REG4: variants seen among roughly 807,000 people sequenced by gnomAD.
REG4 encodes the protein regenerating islet-derived protein 4.
Under a neutral mutation model 22.3 loss-of-function variants are expected in REG4, and 16 were observed. That is an observed-to-expected ratio of 0.72 (90% CI 0.49 to 1.09). REG4 has a LOEUF of 1.09. Among genes scored for constraint, REG4 ranks in the 50% least tolerant of loss-of-function variants. The pLI is 0.00. For synonymous variants in REG4, 71 were observed against 69.2 expected (o/e 1.03, Z -0.13); for missense variants, 214 against 193.9 (o/e 1.10, Z -0.61).
At chr1:119,806,218 A>G (rs1654313054) in intron 2 of REG4, among the ~76,000 whole-genome samples, 1 of 152,174 alleles carries the variant, frequency 6.6e-6, no homozygotes, top group Admixed American at 6.5e-5. Context: ...CTGGGATTAC[A>G]GGCCTGAGCC....
At chr1:119,796,742 A>G (rs1042885417) in intron 5 of REG4, among the ~76,000 whole-genome samples, 2 of 152,196 alleles carry the variant, frequency 1.3e-5, no homozygotes, top group Non-Finnish European at 2.9e-5. Context: ...AACCATGGGA[A>G]AGGAAAGGAA....
chr1:119,806,520 T>C (rs931053436), intron 2 of REG4, among the ~76,000 whole-genome samples: 1 of 152,134 alleles, frequency 6.6e-6, no homozygotes, highest in Admixed American at 6.5e-5. Flanking sequence ...AGCACATTCG[T>C]TGAGATTATT....
chr1:119,807,783 G>T (rs1654368503), intron 2 of REG4, among the ~76,000 whole-genome samples: 2 of 152,172 alleles, frequency 1.3e-5, no homozygotes, highest in South Asian at 4.1e-4. Context: ...AGCCATAGGG[G>T]CCAAAATGAT....
intron 2 of REG4, 85 bp from the exon 3 acceptor site, chr1:119,803,250 C>T (rs1654179927): frequency 2.2e-6 from 3 of 1,374,222 alleles, no homozygotes; most frequent in Non-Finnish European, 2.9e-6. Context: ...ATCAGGAACC[C>T]CTTGAATGAA....
rs1261822167 is a variant in REG4 at position 119,808,788 on chromosome 1, A to G, written c.-19T>C. 1 of 1,600,924 alleles carries G rather than the reference A, an allele frequency of 6.2e-7. No individual in the cohort carries two copies. The highest frequency in any genetic ancestry group is 8.6e-7 in the Non-Finnish European group (1 of 1,168,606). ...AAGCCATCTTCCTCCTACCCTGAGGATGTAGCTAGTGCAAGGATCTCAGAG... is the reference window on the plus strand; with the variant it reads ...AAGCCATCTTCCTCCTACCCTGAGGGTGTAGCTAGTGCAAGGATCTCAGAG... On this transcript the variant is annotated 5_prime_UTR_variant, in exon 2 of 6. Transcript: ENST00000256585.
At chr1:119,804,464 T>C (rs918143884) in intron 2 of REG4, among the ~76,000 whole-genome samples, 4 of 152,220 alleles carry the variant, frequency 2.6e-5, no homozygotes, top group Middle Eastern at 3.2e-3. Flanking sequence ...ATCCTTTGTA[T>C]GTGCTATTCC....
intron 2 of REG4, among the ~76,000 whole-genome samples, chr1:119,806,201 C>A (rs1217598434): frequency 6.6e-6 from 1 of 152,144 alleles, no homozygotes; most frequent in African/African-American, 2.4e-5. Context: ...CTTGGTGTCT[C>A]AAAGTTCTGG....
chr1:119,804,583 T>C (rs1654233617), intron 2 of REG4, among the ~76,000 whole-genome samples: 1 of 152,266 alleles, frequency 6.6e-6, no homozygotes, highest in Admixed American at 6.5e-5. Flanking sequence ...TATTCATGTA[T>C]TTAAATGCTT....
chr1:119,794,732 A>AAT, intron 5 of REG4, 47 bp from the exon 6 acceptor site: 8 of 1,534,706 alleles, frequency 5.2e-6, no homozygotes, highest in Non-Finnish European at 7.2e-6. Context: ...TACTATACTG[A>AAT]GCTTGCCAGA....
chr1:119,798,137 C>T (rs1490799946), intron 5 of REG4, among the ~76,000 whole-genome samples: 1 of 152,184 alleles, frequency 6.6e-6, no homozygotes, highest in African/African-American at 2.4e-5. Flanking sequence ...TCTGTTTTCA[C>T]CACATATATT....
intron 3 of REG4, 52 bp downstream of exon 3, chr1:119,803,016 G>A (rs1654166795): frequency 6.2e-7 from 1 of 1,610,078 alleles, no homozygotes; most frequent in Non-Finnish European, 8.5e-7. Flanking sequence ...TGGGGCTCTG[G>A]CTGGTCCTTT....
chr1:119,804,775 G>A (rs926748263), intron 2 of REG4, among the ~76,000 whole-genome samples: 2 of 152,016 alleles, frequency 1.3e-5, no homozygotes, highest in Non-Finnish European at 2.9e-5. Context: ...GGTCTCTTTT[G>A]TCTCTGTGTT....
intron 3 of REG4, chr1:119,802,606 G>A: frequency 7.7e-7 from 1 of 1,291,154 alleles, no homozygotes; most frequent in Non-Finnish European, 9.8e-7. Flanking sequence ...ACTGTGTAGA[G>A]CAGCGGAAAA....
intron 3 of REG4, chr1:119,802,542 A>G: frequency 1.8e-6 from 2 of 1,115,590 alleles, no homozygotes; most frequent in African/African-American, 1.6e-5. Context: ...TTGACTGTCT[A>G]TTTGGTTATC....
intron 3 of REG4, among the ~76,000 whole-genome samples, chr1:119,800,592 C>A (rs1654071844): frequency 6.6e-6 from 1 of 152,152 alleles, no homozygotes; most frequent in South Asian, 2.1e-4. Context: ...CTCCCTAATT[C>A]CTAAGCCTAT....
At chr1:119,801,869 T>C (rs1443041735) in intron 3 of REG4, 1 of 152,262 alleles carries the variant, frequency 6.6e-6, no homozygotes, top group African/African-American at 2.4e-5. Flanking sequence ...AATTGGCATC[T>C]ACCATGTGGC....
chr1:119,797,469 A>T (rs1469633047), intron 5 of REG4, among the ~76,000 whole-genome samples: 1 of 152,040 alleles, frequency 6.6e-6, no homozygotes, highest in Non-Finnish European at 1.5e-5. Context: ...ACAACAGTAA[A>T]CTGCCCCCAT....
chr1:119,806,450 C>A (rs1216350657), intron 2 of REG4, among the ~76,000 whole-genome samples: 2 of 152,158 alleles, frequency 1.3e-5, no homozygotes, highest in South Asian at 2.1e-4. Flanking sequence ...AGTCTGACTC[C>A]AAGTCTTAGT....
chr1:119,802,978 G>A (rs1654164596), intron 3 of REG4, 90 bp downstream of exon 3: 1 of 1,587,510 alleles, frequency 6.3e-7, no homozygotes, highest in Middle Eastern at 1.7e-4. Flanking sequence ...GCCCAGGAAG[G>A]ACACTTGATC....
Sources: gnomAD v4.1 joint callset for allele counts (sites outside exome capture counted in the v4.1 genomes callset) on GRCh38, gnomAD v4.1.1 for gene constraint, MANE v1.5 for transcripts, NCBI Gene and HGNC (gene_info 2026-07-23, HGNC 2026-07-21) for gene names.